MEIS2: variants seen among roughly 807,000 people sequenced by gnomAD.
MEIS2 encodes homeobox protein Meis2.
In MEIS2, 9 loss-of-function variants were observed where a neutral mutation model predicts 58.6. The observed-to-expected ratio is 0.15, with a 90% confidence interval of 0.09 to 0.27. The LOEUF (loss-of-function observed/expected upper bound fraction) is 0.27, where lower values mean the gene tolerates loss of function less well. Among genes scored for constraint, MEIS2 ranks in the 10% least tolerant of loss-of-function variants. MEIS2 has a pLI of 1.00. For missense variants in MEIS2, 427 were observed against 635.0 expected (o/e 0.67, Z 3.52); for synonymous variants, 221 against 228.4 (o/e 0.97, Z 0.29).
intron 8 of MEIS2, among the ~76,000 whole-genome samples, chr15:36,995,998 T>C (rs567561940): frequency 6.5e-4 from 31 of 47,750 alleles, no homozygotes; most frequent in African/African-American, 1.0e-3. Context: ...TATATATATA[T>C]ATATGTATAT....
intron 2 of MEIS2, 90 bp downstream of exon 2, chr15:37,097,877 C>A (rs1462000258): frequency 1.4e-6 from 2 of 1,468,280 alleles, no homozygotes; most frequent in African/African-American, 1.4e-5. Flanking sequence ...AGTAACTCCC[C>A]ACTTAGTCGT....
At chr15:36,995,706 TAAAAAAAAAA>T (rs71821151) in intron 8 of MEIS2, among the ~76,000 whole-genome samples, 108 of 4,130 alleles carry the variant, frequency 0.026, no homozygotes, top group African/African-American at 0.12. Flanking sequence ...TTACAGCTAC[TAAAAAAAAAA>T]AAAAAAAAAA....
chr15:36,916,890 C>T (rs182819867), intron 9 of MEIS2, among the ~76,000 whole-genome samples: 29 of 152,280 alleles, frequency 1.9e-4, no homozygotes, highest in Middle Eastern at 3.4e-3. Context: ...ATAACATTAT[C>T]GGCATCCCCA....
intron 7 of MEIS2, among the ~76,000 whole-genome samples, chr15:37,053,303 G>A (rs890409986): frequency 1.1e-4 from 16 of 152,104 alleles, no homozygotes; most frequent in African/African-American, 3.6e-4. Context: ...TAAAGTTGGC[G>A]AATGCACTCT....
chr15:37,043,765 G>C (rs571168703), intron 7 of MEIS2, among the ~76,000 whole-genome samples: 1 of 135,996 alleles, frequency 7.4e-6, no homozygotes, highest in Non-Finnish European at 1.5e-5. Flanking sequence ...TTGGCTCACC[G>C]CAACCTCCAC....
intron 8 of MEIS2, among the ~76,000 whole-genome samples, chr15:37,015,772 G>T (rs1044648283): frequency 6.6e-6 from 1 of 152,092 alleles, no homozygotes; most frequent in African/African-American, 2.4e-5. Context: ...TAGAGCACCA[G>T]TGCAAACAAA....
chr15:36,910,828 C>T lies in MEIS2; in HGVS notation c.978-14142G>A, dbSNP rs554458471. The stretch of plus-strand genomic sequence containing the variant: ...TTGGGAGGCCTAGGCGGGCGGATCA[C>T]GAGGTCAGGAGTTCAAGCCCAGCCT... On this transcript the variant is annotated intron_variant, in intron 9 of 11. Coordinates refer to ENST00000561208, the MANE Select transcript of MEIS2 (RefSeq NM_170675.5). Among the ~76,000 whole-genome samples the T allele has an allele frequency of 9.9e-5, 15 of 152,164 alleles. No individual in the cohort carries two copies. In the South Asian group the frequency reaches 1.7e-3, roughly 17 times the overall value.
chr15:36,963,710 G>A (rs1266788142), intron 8 of MEIS2, among the ~76,000 whole-genome samples: 1 of 152,100 alleles, frequency 6.6e-6, no homozygotes, highest in Non-Finnish European at 1.5e-5. Flanking sequence ...ACAATTCTAC[G>A]AACATTGATG....
chr15:37,092,812 C>T (rs753282014), intron 6 of MEIS2, among the ~76,000 whole-genome samples: 1 of 134,762 alleles, frequency 7.4e-6, no homozygotes, highest in Non-Finnish European at 1.5e-5. Context: ...AAAGAAATCT[C>T]CTTTCCTGGC....
intron 7 of MEIS2, among the ~76,000 whole-genome samples, chr15:37,082,189 G>A (rs1892308176): frequency 6.6e-6 from 1 of 152,174 alleles, no homozygotes; most frequent in Admixed American, 6.5e-5. Context: ...AGTCAGAAAT[G>A]CTTGAAGCGT....
Position 37,085,463 on chromosome 15 carries a change from G to C in MEIS2, c.640-1578C>G, listed in dbSNP as rs184455650. On this transcript the variant is annotated intron_variant, in intron 6 of 11. Transcript: ENST00000561208. ...AAAAAATAGGGAAATGTTCTTATTT[G>C]GAACTACAAAACTTATTTTTCCCCC... 1.7e-3 allele frequency among the ~76,000 whole-genome samples: 260 copies of C among 152,236 alleles called. 2 individuals carry two copies. Among genetic ancestry groups the C allele is most frequent in the South Asian group, 0.015 (73 of 4,826 alleles).
At chr15:37,095,700 A>T in intron 3 of MEIS2, 86 bp from the exon 4 acceptor site, 1 of 1,596,328 alleles carries the variant, frequency 6.3e-7, no homozygotes, top group Non-Finnish European at 8.6e-7. Context: ...GTGGAGGGCA[A>T]TGGCGGAGAA....
intron 7 of MEIS2, among the ~76,000 whole-genome samples, chr15:37,080,963 C>G (rs1191992044): frequency 1.3e-5 from 2 of 152,086 alleles, no homozygotes; most frequent in Non-Finnish European, 2.9e-5. Context: ...TGAACTTTCA[C>G]CTGTGTAACT....
chr15:36,951,779 C>CT (rs1251775995), intron 8 of MEIS2, among the ~76,000 whole-genome samples: 11 of 152,104 alleles, frequency 7.2e-5, no homozygotes, highest in Non-Finnish European at 4.4e-5. Context: ...GGTGTTGACA[C>CT]TTTTTTGGCT....
chr15:36,986,513 G>T (rs192965811), intron 8 of MEIS2, among the ~76,000 whole-genome samples: 2 of 152,294 alleles, frequency 1.3e-5, no homozygotes, highest in Non-Finnish European at 2.9e-5. Flanking sequence ...AGTTGGTTCC[G>T]GCTTCCAGCT....
At chr15:37,027,950 C>T (rs1414253417) in intron 8 of MEIS2, among the ~76,000 whole-genome samples, 1 of 152,114 alleles carries the variant, frequency 6.6e-6, no homozygotes, top group Non-Finnish European at 1.5e-5. Flanking sequence ...TCATAATCAC[C>T]CAGAGTCCAT....
intron 7 of MEIS2, among the ~76,000 whole-genome samples, chr15:37,064,757 C>T (rs1353164615): frequency 6.6e-6 from 1 of 152,076 alleles, no homozygotes; most frequent in Non-Finnish European, 1.5e-5. Flanking sequence ...TTAAGAAATC[C>T]TGAAACTCTA....
chr15:37,002,691 AG>A (rs1331826669), intron 8 of MEIS2, among the ~76,000 whole-genome samples: 4 of 152,082 alleles, frequency 2.6e-5, no homozygotes, highest in Admixed American at 1.3e-4. Flanking sequence ...GGATTAATGA[AG>A]GGGGTGAAGG....
chr15:37,041,538 T>C (rs1247278437), intron 7 of MEIS2, among the ~76,000 whole-genome samples: 8 of 152,184 alleles, frequency 5.3e-5, no homozygotes, highest in African/African-American at 1.9e-4. Context: ...CTCTGGTAGG[T>C]AGCTCCAGCA....
Sources: gnomAD v4.1 joint callset for allele counts (sites outside exome capture counted in the v4.1 genomes callset) on GRCh38, gnomAD v4.1.1 for gene constraint, MANE v1.5 for transcripts, NCBI Gene and HGNC (gene_info 2026-07-23, HGNC 2026-07-21) for gene names.